USP24: variants seen among roughly 807,000 people sequenced by gnomAD.
USP24 encodes ubiquitin specific peptidase 24.
In USP24, 97 loss-of-function variants were observed where a neutral mutation model predicts 361.6. That is an observed-to-expected ratio of 0.27 (90% confidence interval 0.23 to 0.32). The LOEUF (loss-of-function observed/expected upper bound fraction) is 0.32. USP24 is among the 10% of genes least tolerant of loss of function. The pLI is 1.00. For missense variants in USP24, 2,353 were observed against 3,165.6 expected, an observed-to-expected ratio of 0.74 and a Z score of 6.16; for synonymous variants, 1,098 against 1,124.6, an observed-to-expected ratio of 0.98 and a Z score of 0.47.
At chr1:55,211,876 A>T (rs1427957773) in intron 1 of USP24, among the ~76,000 whole-genome samples, 3 of 152,268 alleles carry the variant, frequency 2.0e-5, no homozygotes, top group Non-Finnish European at 4.4e-5. Flanking sequence ...CTGTGCAGCA[A>T]ATAGAAATGT....
chr1:55,127,700 C>A lies in USP24; in HGVS notation c.3635+1777G>T, dbSNP rs188699889. Among the ~76,000 whole-genome samples, 249 of 152,242 alleles carry A rather than the reference C, an allele frequency of 1.6e-3. 1 individual carries two copies. The highest frequency in any genetic ancestry group is 6.8e-3 in the Middle Eastern group (2 of 294). On this transcript the variant is annotated intron_variant, in intron 32 of 67. Transcript: ENST00000294383. ...GTCCCACCAACAGTGTAAAAGTGTT[C>A]CTATTTCTCCACATCCTCTCCAGCA...
intron 10 of USP24, 125 bp downstream of exon 10, chr1:55,158,751 ATT>A (rs1307303043): frequency 1.2e-6 from 1 of 856,846 alleles, no homozygotes; most frequent in African/African-American, 1.8e-5. Context: ...ATACACAATC[ATT>A]CTCTTTTTTA....
At position 55,069,202 on chromosome 1, in the gene USP24, G is replaced by A. The variant is rs970633788; in HGVS notation, c.7801-95C>T. On this transcript the variant is annotated intron_variant, in intron 67 of 67. Transcript: ENST00000294383. ...TGCAATTTAAACATGTCTTCATCTG[G>A]CAACTTAATGCAATGTTTATCAAAG... 5 of 1,137,454 alleles carry A rather than the reference G, an allele frequency of 4.4e-6. No homozygotes were observed. In the African/African-American group the frequency reaches 7.7e-5, roughly 17 times the overall value. 70.5% of individuals were successfully genotyped at this position (1,137,454 alleles called of 1,614,324 possible).
chr1:55,069,143 T>C (rs993113572), intron 67 of USP24, 36 bp from the exon 68 acceptor site: 1 of 1,611,830 alleles, frequency 6.2e-7, no homozygotes, highest in Non-Finnish European at 8.5e-7. Flanking sequence ...GTTCATACGG[T>C]TAGAGAAAAG....
intron 8 of USP24, among the ~76,000 whole-genome samples, chr1:55,160,134 T>G (rs1222056145): frequency 6.6e-6 from 1 of 151,164 alleles, no homozygotes; most frequent in Admixed American, 6.6e-5. Context: ...TGCTCCAGAA[T>G]GGTAACACAA....
chr1:55,158,402 T>C (rs913990082), intron 10 of USP24, among the ~76,000 whole-genome samples: 15 of 152,242 alleles, frequency 9.9e-5, no homozygotes, highest in Non-Finnish European at 2.2e-4. Flanking sequence ...TGGCTCCATG[T>C]GTCACACACC....
rs1647071909 is a variant in USP24, at chr1:55,147,818, A to C, written c.1969-20T>G. The C allele has an allele frequency of 1.2e-6, 2 of 1,608,748 alleles. No homozygotes were observed. Among genetic ancestry groups the C allele is most frequent in the Non-Finnish European group, 1.7e-6 (2 of 1,177,158 alleles). ...AATGCTCTTGGCGAAAATAACAAAA[A>C]GAAAAGTGGTAATGAGAATTTGCAG... On this transcript the variant is annotated intron_variant, in intron 17 of 67. Transcript: ENST00000294383.
intron 1 of USP24, among the ~76,000 whole-genome samples, chr1:55,192,994 T>C (rs1463743926): frequency 6.6e-6 from 1 of 152,220 alleles, no homozygotes; most frequent in African/African-American, 2.4e-5. Flanking sequence ...TTCAACCAAT[T>C]GTGAACTGAA....
At chr1:55,121,777 A>G (rs1646289384) in intron 36 of USP24, among the ~76,000 whole-genome samples, 1 of 152,242 alleles carries the variant, frequency 6.6e-6, no homozygotes, top group African/African-American at 2.4e-5. Flanking sequence ...TCTTGCCTTG[A>G]TAAACTATCA....
chr1:55,196,981 G>T (rs1434110883), intron 1 of USP24, among the ~76,000 whole-genome samples: 1 of 152,182 alleles, frequency 6.6e-6, no homozygotes, highest in African/African-American at 2.4e-5. Context: ...GTATTTTATT[G>T]AAACAAAGAC....
chr1:55,103,812 T>A, intron 42 of USP24, 64 bp downstream of exon 42: 1 of 1,529,430 alleles, frequency 6.5e-7, no homozygotes, highest in South Asian at 1.3e-5. Context: ...AATACAGTCT[T>A]AAAATTATAT....
At chr1:55,082,339 T>C (rs1645165365) in intron 58 of USP24, among the ~76,000 whole-genome samples, 1 of 152,210 alleles carries the variant, frequency 6.6e-6, no homozygotes, top group Non-Finnish European at 1.5e-5. Context: ...ATCAAAAGTA[T>C]ACCACAATAA....
intron 62 of USP24, among the ~76,000 whole-genome samples, chr1:55,076,385 T>C (rs1437854028): frequency 1.3e-5 from 2 of 152,178 alleles, no homozygotes; most frequent in African/African-American, 4.8e-5. Context: ...ACTTGAAAAA[T>C]AAGCTTTTAA....
At chr1:55,098,132 A>T in intron 46 of USP24, 48 bp from the exon 47 acceptor site, 1 of 1,512,328 alleles carries the variant, frequency 6.6e-7, no homozygotes, top group Non-Finnish European at 8.8e-7. Context: ...GGAATTTAAA[A>T]CTCTTCAATT....
intron 24 of USP24, among the ~76,000 whole-genome samples, chr1:55,140,527 TG>T (rs1227173452): frequency 1.3e-5 from 2 of 152,200 alleles, no homozygotes; most frequent in African/African-American, 4.8e-5. Context: ...CTGAGTTTAT[TG>T]GCTTCCTTCA....
At chr1:55,140,021 G>A (rs1441665084) in intron 24 of USP24, among the ~76,000 whole-genome samples, 1 of 151,830 alleles carries the variant, frequency 6.6e-6, no homozygotes, top group African/African-American at 2.4e-5. Flanking sequence ...CCCCAAGTTG[G>A]AACAATTATG....
intron 20 of USP24, among the ~76,000 whole-genome samples, chr1:55,144,594 T>C (rs747928653): frequency 6.6e-6 from 1 of 152,146 alleles, no homozygotes; most frequent in African/African-American, 2.4e-5. Context: ...TAAGCACATA[T>C]AAATAGATGC....
At chr1:55,182,170 G>A (rs1643989664) in intron 1 of USP24, among the ~76,000 whole-genome samples, 1 of 152,166 alleles carries the variant, frequency 6.6e-6, no homozygotes, top group Non-Finnish European at 1.5e-5. Flanking sequence ...TCCTGCCTCA[G>A]CCTCCCAAGT....
At chr1:55,118,142 A>G (rs1646174497) in intron 38 of USP24, among the ~76,000 whole-genome samples, 1 of 152,242 alleles carries the variant, frequency 6.6e-6, no homozygotes, top group African/African-American at 2.4e-5. Flanking sequence ...TAAAATTCAC[A>G]TGGACTCTCC....
Sources: gnomAD v4.1 joint callset for allele counts (sites outside exome capture counted in the v4.1 genomes callset) on GRCh38, gnomAD v4.1.1 for gene constraint, MANE v1.5 for transcripts, NCBI Gene and HGNC (gene_info 2026-07-23, HGNC 2026-07-21) for gene names.